Variants in SEPTIN9 observed in about 807,000 individuals in gnomAD.
SEPTIN9 encodes septin-9.
In SEPTIN9, 13 loss-of-function variants were observed where a neutral mutation model predicts 56.6. The observed-to-expected ratio is 0.23, with a 90% CI of 0.15 to 0.37. The LOEUF is 0.37. Ranked by LOEUF, SEPTIN9 falls within the 10% of genes least tolerant of loss-of-function variation. The pLI is 1.00. For synonymous variants in SEPTIN9, 332 were observed against 334.1 expected (o/e 0.99, Z 0.07); for missense variants, 650 against 823.1 (o/e 0.79, Z 2.57).
intron 2 of SEPTIN9, among the ~76,000 whole-genome samples, chr17:77,321,977 G>A (rs1008660569): frequency 1.3e-5 from 2 of 152,228 alleles, no homozygotes; most frequent in Admixed American, 6.5e-5. Context: ...AGCCGTCCTC[G>A]GAGTGACCAC....
rs1468084931 is a variant in SEPTIN9 at position 77,421,380 on chromosome 17, C to T, written c.721+18677C>T. Reference sequence around the variant, plus strand: ...GGAGCTCATCTTTCTCTGTCTCCTCCCCCTGCCGCCTCTCCCCACAAGACT... The same window carrying T: ...GGAGCTCATCTTTCTCTGTCTCCTCTCCCTGCCGCCTCTCCCCACAAGACT... On this transcript the variant is annotated intron_variant, in intron 3 of 11. Transcript: ENST00000427177. The surrounding 1 kb of genome is among the most constrained non-coding windows in gnomAD (Gnocchi z 4.6). Among the ~76,000 whole-genome samples, 1 of 152,196 alleles carries T rather than the reference C, an allele frequency of 6.6e-6. No homozygotes were observed. Among genetic ancestry groups the T allele is most frequent in the East Asian group, 1.9e-4 (1 of 5,192 alleles).
intron 3 of SEPTIN9, among the ~76,000 whole-genome samples, chr17:77,440,354 C>G (rs1441195421): frequency 6.6e-6 from 1 of 152,094 alleles, no homozygotes; most frequent in Admixed American, 6.5e-5. Flanking sequence ...GGGGTTTCAC[C>G]AAGTTGGCCA....
intron 2 of SEPTIN9, among the ~76,000 whole-genome samples, chr17:77,331,994 G>A (rs1316406185): frequency 6.6e-6 from 1 of 152,172 alleles, no homozygotes; most frequent in Non-Finnish European, 1.5e-5. Context: ...GATGAAAGAG[G>A]GCTGAGTGTG....
In SEPTIN9 at chr17:77,401,031, G is replaced by T. The variant is rs527633724; in HGVS notation, c.77-1028G>T. ...GTAGTGGATGGGAAGATGCAGGAGA[G>T]GCTGATGACTGAGAAAGTTGGTTCC... On this transcript the variant is annotated intron_variant, in intron 2 of 11. Transcript: ENST00000427177. 1.2e-3 allele frequency among the ~76,000 whole-genome samples: 188 copies of T among 152,280 alleles called. 1 individual carries two copies. The highest frequency in any genetic ancestry group is 4.3e-3 in the African/African-American group (179 of 41,550).
rs1189626652 is a variant in SEPTIN9 at position 77,319,540 on chromosome 17, G to A, written c.76+12343G>A. 1 of 1,050,424 alleles carries A rather than the reference G, an allele frequency of 9.5e-7. No homozygotes were observed. Among genetic ancestry groups the A allele is most frequent in the Non-Finnish European group, 1.1e-6 (1 of 869,946 alleles). 65.1% of individuals were successfully genotyped at this position (1,050,424 alleles called of 1,614,324 possible). ...TGCCTCTGTCACTGCAGACTAATGG[G>A]ACGGAGGGGGGTGACTTCTCAGGGT... On this transcript the variant is annotated intron_variant, in intron 2 of 11. Coordinates refer to ENST00000427177, the MANE Select transcript of SEPTIN9 (RefSeq NM_001113491.2). The surrounding 1 kb of genome is among the most constrained non-coding windows in gnomAD (Gnocchi z 5.3).
chr17:77,284,213 G>A (rs766105320), intron 1 of SEPTIN9, among the ~76,000 whole-genome samples: 5 of 152,188 alleles, frequency 3.3e-5, no homozygotes, highest in Non-Finnish European at 7.3e-5. Context: ...AGGATCGCTT[G>A]AAGCCAGGAG....
chr17:77,377,088 C>T (rs34596832), intron 2 of SEPTIN9: 59,629 of 152,178 alleles, frequency 0.39, 12,421 homozygotes, highest in Non-Finnish European at 0.47. Context: ...CTTTGCTCCC[C>T]CTTCAAGATA....
intron 3 of SEPTIN9, among the ~76,000 whole-genome samples, chr17:77,415,170 G>A (rs928669251): frequency 5.3e-5 from 8 of 152,328 alleles, no homozygotes; most frequent in Non-Finnish European, 7.3e-5. Flanking sequence ...GGGACAAGCC[G>A]GCCTGGGTGA....
intron 2 of SEPTIN9, among the ~76,000 whole-genome samples, chr17:77,316,558 C>A (rs2032713844): frequency 6.6e-6 from 1 of 152,194 alleles, no homozygotes; most frequent in Admixed American, 6.5e-5. Context: ...CAGTCATAGC[C>A]CGGCCCCTCA....
chr17:77,287,200 G>A (rs2031319825), intron 1 of SEPTIN9, among the ~76,000 whole-genome samples: 2 of 152,222 alleles, frequency 1.3e-5, no homozygotes, highest in South Asian at 4.1e-4. Context: ...GAGGGACTTG[G>A]TGGGCAGCCA....
chr17:77,498,711 C>T lies in SEPTIN9; in HGVS notation c.*53C>T, dbSNP rs2040385897. 9.0e-7 allele frequency: 1 copy of T among 1,108,842 alleles called. No homozygotes were observed. Among genetic ancestry groups the T allele is most frequent in the Non-Finnish European group, 1.3e-6 (1 of 748,608 alleles). 68.7% of individuals were successfully genotyped at this position (1,108,842 alleles called of 1,614,324 possible). On this transcript the variant is annotated 3_prime_UTR_variant, in exon 12 of 12. Transcript: ENST00000427177. ...TGCCCCCAAGTCATTTCCGTCCCCC[C>T]CCAGGCCCTCCCACCACCCCATTTT...
rs436444 is a variant in SEPTIN9, at chr17:77,391,084, A to G, written c.77-10975A>G. Among the ~76,000 whole-genome samples, 712 of 152,228 alleles carry G rather than the reference A, an allele frequency of 4.7e-3. 5 individuals carry two copies. Among genetic ancestry groups the G allele is most frequent in the African/African-American group, 0.016 (672 of 41,538 alleles). On this transcript the variant is annotated intron_variant, in intron 2 of 11. Transcript: ENST00000427177. ...CACTGTGAAGGGCCTGTGTGAGCTG[A>G]TGGCTGATGAGAGGGCAGTGGGGCG...
Position 77,305,083 on chromosome 17 carries a change from G to C in SEPTIN9, c.20-2058G>C, listed in dbSNP as rs1419621628. Among the ~76,000 whole-genome samples the C allele has an allele frequency of 2.6e-5, 4 of 152,162 alleles. No homozygotes were observed. In the East Asian group the frequency reaches 7.7e-4, roughly 29 times the overall value. ...GGCAGATGCTGGCCCTTCCATCCTT[G>C]CTTCCTGGAGATCTGCGCCGAGGTC... On this transcript the variant is annotated intron_variant, in intron 1 of 11. Transcript: ENST00000427177.
intron 10 of SEPTIN9, chr17:77,493,287 C>T (rs2143421744): frequency 3.5e-6 from 2 of 572,228 alleles, no homozygotes; most frequent in East Asian, 2.9e-5. Context: ...CCCAGACCTC[C>T]CCCCGGGCAG....
At chr17:77,478,898 G>A (rs946628141) in intron 3 of SEPTIN9, among the ~76,000 whole-genome samples, 4 of 152,072 alleles carry the variant, frequency 2.6e-5, no homozygotes, top group African/African-American at 7.2e-5. Context: ...TGAACCTTTC[G>A]GGTATTACGC....
intron 10 of SEPTIN9, chr17:77,496,427 G>C (rs927390160): frequency 1.3e-5 from 2 of 152,204 alleles, no homozygotes; most frequent in African/African-American, 4.8e-5. Flanking sequence ...AGGGCACCGG[G>C]TGTCTTTATT....
At position 77,435,432 on chromosome 17, in the gene SEPTIN9, T is replaced by C. The variant is rs560758346; in HGVS notation, c.721+32729T>C. On this transcript the variant is annotated intron_variant, in intron 3 of 11. Coordinates refer to ENST00000427177, the MANE Select transcript of SEPTIN9 (RefSeq NM_001113491.2). The surrounding 1 kb of genome is among the most constrained non-coding windows in gnomAD (Gnocchi z 4.5). ...CCCCCATGGTGGCTCTGTTTCCTCC[T>C]CTCCTCTGAACCTGCCAGCCTGTGC... Among the ~76,000 whole-genome samples, 1 of 152,140 alleles carries C rather than the reference T, an allele frequency of 6.6e-6. No homozygotes were observed. Among genetic ancestry groups the C allele is most frequent in the South Asian group, 2.1e-4 (1 of 4,814 alleles).
At chr17:77,472,935 T>C (rs1307672651) in intron 3 of SEPTIN9, among the ~76,000 whole-genome samples, 2 of 152,252 alleles carry the variant, frequency 1.3e-5, no homozygotes, top group Non-Finnish European at 2.9e-5. Context: ...TTTCCATCTT[T>C]AGAAGAGAAC....
intron 1 of SEPTIN9, among the ~76,000 whole-genome samples, chr17:77,305,960 T>G (rs2143588754): frequency 1.1e-5 from 1 of 87,000 alleles, no homozygotes; most frequent in Non-Finnish European, 2.2e-5. Context: ...GATGGGTTGA[T>G]GGATGGGTGG....
Sources: allele counts gnomAD v4.1 joint callset (sites outside exome capture counted in the v4.1 genomes callset), GRCh38; gene constraint gnomAD v4.1.1; non-coding constraint Gnocchi (gnomAD v3.1); transcripts MANE v1.5; gene names NCBI Gene and HGNC (gene_info 2026-07-23, HGNC 2026-07-21).